PDE1A: variants seen among roughly 807,000 people sequenced by gnomAD.
PDE1A encodes dual specificity calcium/calmodulin-dependent 3',5'-cyclic nucleotide phosphodiesterase 1A.
A neutral mutation model predicts 61.7 loss-of-function variants in PDE1A; 35 were observed. That is an observed-to-expected ratio of 0.57 (90% CI 0.43 to 0.75). The LOEUF is 0.75. PDE1A is among the 30% of genes least tolerant of loss of function. PDE1A has a pLI of 0.00. For synonymous variants in PDE1A, 232 were observed against 213.2 expected, an observed-to-expected ratio of 1.09 and a Z score of -0.77; for missense variants, 597 against 630.6, an observed-to-expected ratio of 0.95 and a Z score of 0.57.
chr2:182,213,185 A>G (rs1687816787), intron 7 of PDE1A, among the ~76,000 whole-genome samples: 2 of 150,112 alleles, frequency 1.3e-5, no homozygotes, highest in Non-Finnish European at 3.0e-5. Context: ...AGGGTATTCC[A>G]ACAGACCTGC....
chr2:182,543,630 A>T, the PDE1A span, among the ~76,000 whole-genome samples: 1 of 152,202 alleles, frequency 6.6e-6, no homozygotes, highest in African/African-American at 2.4e-5. Flanking sequence ...TTTTAATCAA[A>T]GACATGTAAT....
chr2:182,627,025 A>T, the PDE1A span, among the ~76,000 whole-genome samples: 9 of 23,240 alleles, frequency 3.9e-4, no homozygotes, highest in Admixed American at 1.3e-3. Flanking sequence ...TTATATATAA[A>T]ATATAAATAT....
chr2:182,491,584 A>C (rs1204738745), intron 2 of PDE1A, among the ~76,000 whole-genome samples: 1 of 152,194 alleles, frequency 6.6e-6, no homozygotes, highest in Non-Finnish European at 1.5e-5. Flanking sequence ...ACTTCTGGAC[A>C]TTTGTCCTAA....
chr2:182,625,215 C>T, the PDE1A span, among the ~76,000 whole-genome samples: 1 of 152,118 alleles, frequency 6.6e-6, no homozygotes, highest in Admixed American at 6.6e-5. Flanking sequence ...TTTCCAGCAT[C>T]CAGAACTGTG....
the PDE1A span, among the ~76,000 whole-genome samples, chr2:182,651,815 T>C: frequency 6.6e-6 from 1 of 152,174 alleles, no homozygotes; most frequent in Non-Finnish European, 1.5e-5. Flanking sequence ...TTCGCCCCAC[T>C]TAAGACATAC....
Position 182,476,905 on chromosome 2 carries a change from A to C in PDE1A, c.101+45371T>G, listed in dbSNP as rs959273322. ...GGCTAAGGTTTTCATAAAAAAAAAA[A>C]AAAACTCTGAGCTTCCTGGCAGCCA... On this transcript the variant is annotated intron_variant, in intron 2 of 14. Coordinates refer to the PDE1A transcript ENST00000410103. Among the ~76,000 whole-genome samples the C allele has an allele frequency of 2.1e-4, 31 of 146,774 alleles. 1 individual carries two copies. Among genetic ancestry groups the C allele is most frequent in the Non-Finnish European group, 1.8e-4 (12 of 65,846 alleles).
At chr2:182,286,669 T>C (rs1033392685) in intron 1 of PDE1A, among the ~76,000 whole-genome samples, 2 of 152,120 alleles carry the variant, frequency 1.3e-5, no homozygotes, top group African/African-American at 4.8e-5. Flanking sequence ...AGAACATGGA[T>C]GGTTGTATGT....
chr2:182,272,857 G>A (rs1027551761), intron 1 of PDE1A, among the ~76,000 whole-genome samples: 8 of 151,982 alleles, frequency 5.3e-5, no homozygotes, highest in Non-Finnish European at 1.0e-4. Context: ...TATGAGATAG[G>A]AAACAGTCAT....
At chr2:182,320,440 G>T (rs1696629352) in intron 1 of PDE1A, among the ~76,000 whole-genome samples, 1 of 151,918 alleles carries the variant, frequency 6.6e-6, no homozygotes, top group Admixed American at 6.6e-5. Context: ...CTTCACATAG[G>T]CTCAAGAAAT....
At chr2:182,169,620 C>A (rs926853769) in intron 13 of PDE1A, among the ~76,000 whole-genome samples, 1 of 151,998 alleles carries the variant, frequency 6.6e-6, no homozygotes, top group Non-Finnish European at 1.5e-5. Context: ...CTTCTAATAT[C>A]CTGACTGTAT....
the PDE1A span, among the ~76,000 whole-genome samples, chr2:182,607,288 A>G: frequency 6.6e-6 from 1 of 152,198 alleles, no homozygotes; most frequent in Non-Finnish European, 1.5e-5. Context: ...GGGAGGGCCA[A>G]TTTCTATGTT....
At chr2:182,166,068 A>G (rs1213483229), downstream of PDE1A, among the ~76,000 whole-genome samples, 1 of 152,138 alleles carries the variant, frequency 6.6e-6, no homozygotes, top group Non-Finnish European at 1.5e-5. Flanking sequence ...TATAGTCTTC[A>G]TCTGGAGATT....
At chr2:182,676,141 A>C in the PDE1A span, among the ~76,000 whole-genome samples, 1 of 152,152 alleles carries the variant, frequency 6.6e-6, no homozygotes, top group African/African-American at 2.4e-5. Flanking sequence ...AAGATAAATG[A>C]ATCCAGGAGT....
At chr2:182,198,743 T>G (rs562439833) in intron 10 of PDE1A, among the ~76,000 whole-genome samples, 6 of 152,016 alleles carry the variant, frequency 3.9e-5, no homozygotes, top group Admixed American at 3.3e-4. Context: ...AAAAAAAAAT[T>G]TCTCTTTCAG....
the PDE1A span, among the ~76,000 whole-genome samples, chr2:182,597,906 G>T: frequency 1.3e-5 from 2 of 152,194 alleles, no homozygotes; most frequent in African/African-American, 2.4e-5. Context: ...GAGGCGTTAA[G>T]AAAATCCTCT....
chr2:182,247,962 C>G (rs1691102859), intron 2 of PDE1A, among the ~76,000 whole-genome samples: 1 of 152,020 alleles, frequency 6.6e-6, no homozygotes, highest in African/African-American at 2.4e-5. Context: ...ATTGTAAATG[C>G]TTTTTAAAAA....
At chr2:182,294,371 T>C (rs1038446833) in intron 1 of PDE1A, among the ~76,000 whole-genome samples, 8 of 152,242 alleles carry the variant, frequency 5.3e-5, no homozygotes, top group African/African-American at 1.4e-4. Flanking sequence ...AGCTTTTTAT[T>C]GGAATGAAAC....
At chr2:182,292,599 A>G (rs1694609300) in intron 1 of PDE1A, among the ~76,000 whole-genome samples, 1 of 152,024 alleles carries the variant, frequency 6.6e-6, no homozygotes, top group Admixed American at 6.5e-5. Context: ...AAAATTATGT[A>G]TTTCTGAATA....
the PDE1A span, among the ~76,000 whole-genome samples, chr2:182,628,343 A>G: frequency 6.6e-6 from 1 of 152,216 alleles, no homozygotes; most frequent in African/African-American, 2.4e-5. Context: ...TAAGACAAAT[A>G]TATTTTCACA....
Sources: allele counts gnomAD v4.1 joint callset (sites outside exome capture counted in the v4.1 genomes callset), GRCh38; gene constraint gnomAD v4.1.1; transcripts MANE v1.5; gene names NCBI Gene and HGNC (gene_info 2026-07-23, HGNC 2026-07-21).